RPL11: variants seen among roughly 807,000 people sequenced by gnomAD.
RPL11 encodes the protein ribosomal protein L11.
In RPL11, 3 loss-of-function variants were observed where a neutral mutation model predicts 24.1. The ratio of observed to expected loss-of-function variants is 0.12; its 90% CI spans 0.06 to 0.32. RPL11 has a LOEUF of 0.32. Among genes scored for constraint, RPL11 ranks in the 10% least tolerant of loss-of-function variants. The pLI is 1.00. For missense variants in RPL11, 146 were observed against 225.7 expected (o/e 0.65, Z 2.26); for synonymous variants, 96 against 75.7 (o/e 1.27, Z -1.39).
chr1:23,691,906 C>T (rs1570565807), intron 1 of RPL11, 77 bp downstream of exon 1: 6 of 1,595,558 alleles, frequency 3.8e-6, no homozygotes, highest in Non-Finnish European at 5.2e-6. Context: ...GGGGCTACTT[C>T]GCCCGCAGCC....
At position 23,692,671 on chromosome 1, in the gene RPL11, C is replaced by T. The variant is rs1570566629; in HGVS notation, c.69C>T (p.Asn23=). The change falls in exon 2 of 6, where the codon AAC becomes AAT. Residue 23 remains asparagine (N), a synonymous_variant. Transcript: ENST00000643754. ...RELRIRKLCL[N]ICVGESGDRL... is the part of the protein sequence containing the mutation. The stretch of plus-strand genomic sequence containing the variant: ...TTCGCATCCGCAAACTCTGTCTCAA[C>T]ATCTGTGTTGGGGAGAGTGGAGACA... The T allele has an allele frequency of 6.2e-7, 1 of 1,614,164 alleles. No individual in the cohort carries two copies. Among genetic ancestry groups the T allele is most frequent in the Non-Finnish European group, 8.5e-7 (1 of 1,180,044 alleles).
At chr1:23,692,496 G>A (rs1644507054) in intron 1 of RPL11, 113 bp from the exon 2 acceptor site, 1 of 1,367,262 alleles carries the variant, frequency 7.3e-7, no homozygotes. Context: ...AACATTCAGG[G>A]TCTTCGTTAC....
intron 1 of RPL11, 25 bp downstream of exon 1, chr1:23,691,854 CT>C: frequency 6.2e-7 from 1 of 1,614,216 alleles, no homozygotes; most frequent in South Asian, 1.1e-5. Context: ...CCTGGATTTG[CT>C]TTCCTTTATC....
In RPL11 at chr1:23,693,695, G is replaced by C; in HGVS notation, c.158-112G>C. On this transcript the variant is annotated intron_variant, in intron 2 of 5. Coordinates refer to ENST00000643754, the MANE Select transcript of RPL11 (RefSeq NM_000975.5). Reference sequence around the variant, plus strand: ...AATTAGAACACCACAACTTAAAAGAGTGTGGATGAATGCTTAATGTCTCTT... The same window carrying C: ...AATTAGAACACCACAACTTAAAAGACTGTGGATGAATGCTTAATGTCTCTT... The C allele has an allele frequency of 5.4e-6, 4 of 746,188 alleles. No homozygotes were observed. The South Asian group carries it at 5.8e-5, about 11-fold the overall frequency. The allele number at this position is 746,188 out of a possible 1,614,324, so 46.2% of individuals were successfully genotyped here. A position where few individuals can be genotyped will look rare whatever the true frequency, so the allele number is the denominator to read the frequency against.
intron 1 of RPL11, chr1:23,692,180 T>C: frequency 2.1e-6 from 1 of 474,256 alleles, no homozygotes; most frequent in Non-Finnish European, 3.8e-6. Context: ...CCTTAGTCGG[T>C]TGCTCCGCTT....
Position 23,696,806 on chromosome 1 carries a change from T to C in RPL11, c.*433T>C. ...GAAGGAATGACAGGCTTTGGTGTGA[T>C]GGTTGAGATTAAATTTAGACTTAAC... is the stretch of plus-strand genomic sequence containing the variant. On this transcript the variant is annotated 3_prime_UTR_variant, in exon 6 of 6. Transcript: ENST00000643754. 4.1e-6 allele frequency: 1 copy of C among 241,070 alleles called. No individual in the cohort carries two copies. The highest frequency in any genetic ancestry group is 8.2e-6 in the Non-Finnish European group (1 of 122,386). The allele number at this position is 241,070 out of a possible 1,614,324, so 14.9% of individuals were successfully genotyped here.
intron 5 of RPL11, 76 bp downstream of exon 5, chr1:23,695,984 T>TA (rs2124432239): frequency 1.5e-6 from 2 of 1,338,532 alleles, no homozygotes; most frequent in South Asian, 2.5e-5. Flanking sequence ...GGATGCAAAA[T>TA]ATAGTACTAT....
At chr1:23,695,415 C>T (rs139500153) in intron 4 of RPL11, 21 of 296,854 alleles carry the variant, frequency 7.1e-5, no homozygotes, top group African/African-American at 4.3e-4. Context: ...TGAGCTGAAG[C>T]AGAAGGAAGA....
intron 1 of RPL11, chr1:23,692,317 G>A (rs1644505630): frequency 2.2e-6 from 1 of 445,602 alleles, no homozygotes; most frequent in South Asian, 2.3e-5. Flanking sequence ...GCCTTACAAT[G>A]GGGGCGCTCT....
intron 2 of RPL11, 37 bp from the exon 3 acceptor site, chr1:23,693,770 T>C (rs772383671): frequency 7.0e-7 from 1 of 1,424,540 alleles, no homozygotes; most frequent in Non-Finnish European, 9.9e-7. Context: ...AGTGGGGGTA[T>C]GATGGCATCT....
rs768349410 is a variant in RPL11, at chr1:23,693,964, C to T, written c.264+51C>T. On this transcript the variant is annotated intron_variant, in intron 3 of 5. Coordinates refer to ENST00000643754, the MANE Select transcript of RPL11 (RefSeq NM_000975.5). ...ATATTGATCAGCACTCCTTTAGTAA[C>T]ACATGTAGATAAGTTACATTTAATG... is the stretch of plus-strand genomic sequence containing the variant. The T allele has an allele frequency of 3.2e-6, 4 of 1,259,972 alleles. No individual in the cohort carries two copies. In the East Asian group the frequency reaches 7.0e-5, roughly 22 times the overall value. The allele number at this position is 1,259,972 out of a possible 1,614,324, so 78.0% of individuals were successfully genotyped here.
At chr1:23,693,181 G>A (rs1335243649) in intron 2 of RPL11, among the ~76,000 whole-genome samples, 3 of 152,160 alleles carry the variant, frequency 2.0e-5, no homozygotes, top group African/African-American at 7.2e-5. Context: ...CTCAAAAGTT[G>A]TATACAGATT....
intron 5 of RPL11, 72 bp from the exon 6 acceptor site, chr1:23,696,272 C>A: frequency 7.0e-7 from 1 of 1,426,642 alleles, no homozygotes; most frequent in South Asian, 1.2e-5. Flanking sequence ...TGTGAATTCT[C>A]AAAAGTTAGC....
Position 23,692,498 on chromosome 1 carries a change from C to T in RPL11, c.7-111C>T, listed in dbSNP as rs540193133. 25 of 1,404,162 alleles carry T rather than the reference C, an allele frequency of 1.8e-5. No individual in the cohort carries two copies. The East Asian group carries it at 3.9e-4, about 22-fold the overall frequency. The allele number at this position is 1,404,162 out of a possible 1,614,324, so 87.0% of individuals were successfully genotyped here. A position where few individuals can be genotyped will look rare whatever the true frequency, so the allele number is the denominator to read the frequency against. On this transcript the variant is annotated intron_variant, in intron 1 of 5. Transcript: ENST00000643754. ...ATTATACCTTTTAAACATTCAGGGT[C>T]TTCGTTACGATTTGGGATGAGCAGA...
At chr1:23,692,031 G>C (rs1644503021) in intron 1 of RPL11, 1 of 715,098 alleles carries the variant, frequency 1.4e-6, no homozygotes, top group South Asian at 1.7e-5. Context: ...GAGCGGCTCC[G>C]GGCACTTGCC....
chr1:23,694,246 C>T (rs1330360931), intron 3 of RPL11, among the ~76,000 whole-genome samples: 1 of 151,924 alleles, frequency 6.6e-6, no homozygotes, highest in African/African-American at 2.4e-5. Context: ...GGCTTGGTGG[C>T]GGGCTCCTGT....
rs1251040851 is a variant in RPL11 at position 23,694,680 on chromosome 1, A to T, written c.285A>T (p.Arg95Ser). ...KGLKVREYEL[R>S]KNNFSDTGNF... ...CACAGGTGCGGGAGTATGAGTTAAG[A>T]AAAAACAACTTCTCAGATACTGGAA... Residue 95 changes from arginine (R) to serine (S), a missense_variant, in exon 4 of 6, where the codon AGA becomes AGT. Transcript: ENST00000643754. 4 of 1,614,038 alleles carry T rather than the reference A, an allele frequency of 2.5e-6. No homozygotes were observed. The highest frequency in any genetic ancestry group is 3.4e-6 in the Non-Finnish European group (4 of 1,179,924).
In RPL11 at chr1:23,692,649, G is replaced by A; in HGVS notation, c.47G>A (p.Arg16His). The A allele has an allele frequency of 1.2e-6, 2 of 1,614,124 alleles. No homozygotes were observed. The highest frequency in any genetic ancestry group is 1.7e-6 in the Non-Finnish European group (2 of 1,180,036). Residue 16 changes from arginine to histidine, a missense_variant, in exon 2 of 6, where the codon CGC becomes CAC. Transcript: ENST00000643754. ...AAGGAGAACCCCATGCGGGAACTTC[G>A]CATCCGCAAACTCTGTCTCAACATC... is the stretch of plus-strand genomic sequence containing the variant. ...GEKENPMRELRIRKLCLNICV... is the reference protein window; with the variant it reads ...GEKENPMRELHIRKLCLNICV...
At chr1:23,693,605 G>A (rs1228453653) in intron 2 of RPL11, among the ~76,000 whole-genome samples, 1 of 152,092 alleles carries the variant, frequency 6.6e-6, no homozygotes, top group Non-Finnish European at 1.5e-5. Flanking sequence ...AAGGATGGCT[G>A]GATGTCTGGA....
Sources: gnomAD v4.1 joint callset for allele counts (sites outside exome capture counted in the v4.1 genomes callset) on GRCh38, gnomAD v4.1.1 for gene constraint, MANE v1.5 for transcripts, NCBI Gene and HGNC (gene_info 2026-07-23, HGNC 2026-07-21) for gene names.